Variants in PCDHA5 observed in about 807,000 individuals in gnomAD.
PCDHA5 encodes protocadherin alpha 5.
In PCDHA5, 43 loss-of-function variants were observed where a neutral mutation model predicts 61.6. That is an observed-to-expected ratio of 0.70 (90% CI 0.55 to 0.90). The LOEUF (loss-of-function observed/expected upper bound fraction) is 0.90, where lower values mean the gene tolerates loss of function less well. Ranked by LOEUF, PCDHA5 falls within the 40% of genes least tolerant of loss-of-function variation. The probability of loss-of-function intolerance (pLI) is 0.00; values close to 1 mark genes in which losing one functional copy is unlikely to be tolerated. For missense variants in PCDHA5, 1,298 were observed against 1,222.7 expected (o/e 1.06, Z -0.92); for synonymous variants, 627 against 543.9 (o/e 1.15, Z -2.13).
At chr5:140,848,964 G>C in intron 1 of PCDHA5, 1 of 1,606,312 alleles carries the variant, frequency 6.2e-7, no homozygotes, top group Non-Finnish European at 8.5e-7. Flanking sequence ...ACTAGAGGGC[G>C]CGTCCGATGC....
intron 1 of PCDHA5, chr5:140,830,622 C>A (rs1390414741): frequency 1.7e-6 from 1 of 582,552 alleles, no homozygotes. Flanking sequence ...TATTGTGTTT[C>A]TTATTTTAAT....
chr5:140,830,572 T>G (rs1012149476), intron 1 of PCDHA5: 1 of 871,720 alleles, frequency 1.1e-6, no homozygotes, highest in Non-Finnish European at 1.6e-6. Context: ...TTTCTGTTTT[T>G]AATTTTTAAT....
At chr5:141,003,616 G>A (rs1360535833) in intron 3 of PCDHA5, among the ~76,000 whole-genome samples, 1 of 152,132 alleles carries the variant, frequency 6.6e-6, no homozygotes, top group African/African-American at 2.4e-5. Flanking sequence ...CCCGGCCCCA[G>A]AGGGCAGTTT....
At chr5:140,985,148 A>G (rs2097138818) in intron 3 of PCDHA5, among the ~76,000 whole-genome samples, 1 of 152,192 alleles carries the variant, frequency 6.6e-6, no homozygotes, top group South Asian at 2.1e-4. Context: ...CGTGTTAGCC[A>G]GGATTGTCTC....
intron 1 of PCDHA5, chr5:140,843,282 A>G: frequency 1.3e-6 from 2 of 1,596,026 alleles, no homozygotes; most frequent in South Asian, 1.1e-5. Context: ...GTGAAGGATC[A>G]TGGTGAACCT....
At chr5:140,943,861 A>AG (rs2093579644) in intron 1 of PCDHA5, among the ~76,000 whole-genome samples, 1 of 152,230 alleles carries the variant, frequency 6.6e-6, no homozygotes, top group South Asian at 2.1e-4. Flanking sequence ...AGTCAAGAAG[A>AG]GGTCTCTGAA....
intron 1 of PCDHA5, among the ~76,000 whole-genome samples, chr5:140,889,581 T>C (rs566040851): frequency 3.0e-4 from 45 of 152,324 alleles, no homozygotes; most frequent in Non-Finnish European, 4.3e-4. Flanking sequence ...ATTTTTGTTT[T>C]TGCTTTGAAA....
At chr5:140,996,200 A>G (rs1338736394) in intron 3 of PCDHA5, among the ~76,000 whole-genome samples, 1 of 152,236 alleles carries the variant, frequency 6.6e-6, no homozygotes, top group South Asian at 2.1e-4. Flanking sequence ...CCCTCAATGC[A>G]AGGATATCAC....
intron 1 of PCDHA5, among the ~76,000 whole-genome samples, chr5:140,880,546 T>C (rs919094204): frequency 7.9e-5 from 12 of 152,198 alleles, no homozygotes; most frequent in Non-Finnish European, 1.8e-4. Flanking sequence ...GAAAGTGAAC[T>C]GATGGAAATG....
chr5:140,992,463 C>T (rs1416840803), intron 3 of PCDHA5, among the ~76,000 whole-genome samples: 1 of 152,162 alleles, frequency 6.6e-6, no homozygotes, highest in Non-Finnish European at 1.5e-5. Flanking sequence ...GAGGACAGTA[C>T]TCTTTAGATC....
chr5:140,872,424 C>T (rs534204647), intron 1 of PCDHA5, among the ~76,000 whole-genome samples: 4 of 152,028 alleles, frequency 2.6e-5, no homozygotes, highest in South Asian at 2.1e-4. Context: ...CCCAAGAGTT[C>T]GAGGCCTGCC....
intron 1 of PCDHA5, among the ~76,000 whole-genome samples, chr5:140,942,021 A>C (rs2093219800): frequency 6.6e-6 from 1 of 152,198 alleles, no homozygotes; most frequent in South Asian, 2.1e-4. Context: ...TTTTGGGAAA[A>C]AATAATTCAT....
chr5:140,877,366 A>G (rs1358364554), intron 1 of PCDHA5: 1 of 1,613,868 alleles, frequency 6.2e-7, no homozygotes, highest in Non-Finnish European at 8.5e-7. Context: ...TGGCGAGATC[A>G]GCACGACACG....
intron 1 of PCDHA5, chr5:140,851,374 C>A: frequency 4.1e-6 from 4 of 975,728 alleles, no homozygotes; most frequent in Non-Finnish European, 5.0e-6. Flanking sequence ...TCTGATTGTT[C>A]AGCAACCTTC....
At position 140,836,054 on chromosome 5, in the gene PCDHA5, C is replaced by A. The variant is rs2150251582; in HGVS notation, c.2352+11927C>A. 2.2e-5 allele frequency: 36 copies of A among 1,613,478 alleles called. No homozygotes were observed. Among genetic ancestry groups the A allele is most frequent in the Admixed American group, 3.3e-5 (2 of 59,984 alleles). On this transcript the variant is annotated intron_variant, in intron 1 of 3. Transcript: ENST00000529859. The stretch of plus-strand genomic sequence containing the variant: ...TGACGCTGCAGGTGTTCGTGCTGGA[C>A]GAGAACGACAACGCGCCGGCACTGC...
chr5:140,887,540 C>T (rs1039020160), intron 1 of PCDHA5, among the ~76,000 whole-genome samples: 1 of 152,100 alleles, frequency 6.6e-6, no homozygotes. Flanking sequence ...CTCTCCCCAC[C>T]CCTCATGGTT....
At chr5:140,874,188 A>G (rs1478438376) in intron 1 of PCDHA5, among the ~76,000 whole-genome samples, 2 of 152,208 alleles carry the variant, frequency 1.3e-5, no homozygotes, top group Non-Finnish European at 2.9e-5. Flanking sequence ...TAAAGGTGTC[A>G]TATTTCAGTT....
rs1459343581 is a variant in PCDHA5 at position 141,012,230 on chromosome 5, A to G, written c.*2293A>G. 1.3e-5 allele frequency: 2 copies of G among 153,766 alleles called. No individual in the cohort carries two copies. The highest frequency in any genetic ancestry group is 6.5e-5 in the Admixed American group (1 of 15,278). 9.5% of individuals were successfully genotyped at this position (153,766 alleles called of 1,614,324 possible). On this transcript the variant is annotated 3_prime_UTR_variant, in exon 4 of 4. Transcript: ENST00000529859. ...ACATTTGCGAAGTGCTTTCCAATCC[A>G]TGTTAGTTACTAGTTATTACAGCTG...
chr5:140,871,570 T>A, intron 1 of PCDHA5: 1 of 1,480,760 alleles, frequency 6.8e-7, no homozygotes, highest in Non-Finnish European at 9.0e-7. Context: ...TTCACGGATT[T>A]TTTAAGGGAA....
Sources: allele counts gnomAD v4.1 joint callset (sites outside exome capture counted in the v4.1 genomes callset), GRCh38; gene constraint gnomAD v4.1.1; transcripts MANE v1.5; gene names NCBI Gene and HGNC (gene_info 2026-07-23, HGNC 2026-07-21).